The following FER variants were observed in gnomAD, a reference collection of about 807,000 sequenced individuals.
FER encodes the protein tyrosine-protein kinase Fer.
Under a neutral mutation model 111.0 loss-of-function variants are expected in FER, and 63 were observed. That is an observed-to-expected ratio of 0.57 (90% CI 0.46 to 0.70). The LOEUF is 0.70. FER is among the 30% of genes least tolerant of loss of function. The pLI is 0.00. For synonymous variants in FER, 327 were observed against 313.9 expected (o/e 1.04, Z -0.44); for missense variants, 914 against 954.0 (o/e 0.96, Z 0.55).
intron 10 of FER, among the ~76,000 whole-genome samples, chr5:108,940,834 G>A (rs1221730894): frequency 6.6e-6 from 1 of 152,020 alleles, no homozygotes; most frequent in Non-Finnish European, 1.5e-5. Flanking sequence ...GTGGGCGTGG[G>A]GAGGAGTTCA....
At chr5:108,822,493 A>G (rs1465775115) in intron 3 of FER, among the ~76,000 whole-genome samples, 4 of 152,204 alleles carry the variant, frequency 2.6e-5, no homozygotes, top group Non-Finnish European at 5.9e-5. Context: ...GGAAGTGGAC[A>G]TATGCAAAGA....
intron 10 of FER, among the ~76,000 whole-genome samples, chr5:108,904,734 T>C (rs977648688): frequency 4.6e-5 from 7 of 152,180 alleles, no homozygotes; most frequent in Admixed American, 2.6e-4. Context: ...TCAGCTTATA[T>C]AGGTTTAGAT....
chr5:109,148,319 T>G (rs1241227967), intron 17 of FER, among the ~76,000 whole-genome samples: 2 of 152,148 alleles, frequency 1.3e-5, no homozygotes, highest in Non-Finnish European at 2.9e-5. Flanking sequence ...ATAAGTCTCA[T>G]AAATTTGGTT....
intron 9 of FER, among the ~76,000 whole-genome samples, chr5:108,892,435 T>C (rs1748260689): frequency 6.6e-6 from 1 of 152,220 alleles, no homozygotes; most frequent in Non-Finnish European, 1.5e-5. Context: ...AGCATTTTTT[T>C]CATGTGTCTT....
At chr5:108,823,846 T>C (rs1759158645) in intron 3 of FER, among the ~76,000 whole-genome samples, 1 of 152,198 alleles carries the variant, frequency 6.6e-6, no homozygotes, top group African/African-American at 2.4e-5. Context: ...CAAAAAATCA[T>C]TGCCAACAGC....
At chr5:108,799,786 T>G (rs948222367) in intron 3 of FER, among the ~76,000 whole-genome samples, 1 of 152,092 alleles carries the variant, frequency 6.6e-6, no homozygotes, top group Admixed American at 6.6e-5. Context: ...GTAAGCTACC[T>G]GGTGTTTCTG....
intron 2 of FER, among the ~76,000 whole-genome samples, chr5:108,793,522 G>A (rs556378613): frequency 9.5e-5 from 13 of 136,664 alleles, no homozygotes; most frequent in African/African-American, 2.6e-4. Context: ...GGCGGGGCGG[G>A]GGGGGTGGTT....
intron 17 of FER, among the ~76,000 whole-genome samples, chr5:109,160,700 A>G (rs1582318356): frequency 6.6e-6 from 1 of 152,164 alleles, no homozygotes; most frequent in Non-Finnish European, 1.5e-5. Flanking sequence ...CTTGAGAAGC[A>G]CTGCCTGCTC....
chr5:108,938,202 G>A (rs991901657), intron 10 of FER, among the ~76,000 whole-genome samples: 1 of 151,814 alleles, frequency 6.6e-6, no homozygotes, highest in Non-Finnish European at 1.5e-5. Flanking sequence ...CCAAAGTTAA[G>A]TAGAGTGGTA....
At chr5:108,897,535 A>T in intron 9 of FER, 124 bp from the exon 10 acceptor site, 1 of 668,114 alleles carries the variant, frequency 1.5e-6, no homozygotes, top group Non-Finnish European at 2.3e-6. Context: ...TTAGTTTCAT[A>T]TTTTTTATGA....
At chr5:108,959,199 A>T in intron 12 of FER, 26 bp from the exon 13 acceptor site, 1 of 1,595,962 alleles carries the variant, frequency 6.3e-7, no homozygotes, top group South Asian at 1.2e-5. Context: ...CTTCACATTT[A>T]TTCTACCTTA....
intron 6 of FER, among the ~76,000 whole-genome samples, chr5:108,870,091 T>G (rs1288477857): frequency 6.6e-6 from 1 of 152,120 alleles, no homozygotes; most frequent in Non-Finnish European, 1.5e-5. Context: ...TTTTCAATAA[T>G]AGTATCTTCA....
intron 17 of FER, among the ~76,000 whole-genome samples, chr5:109,166,183 TTGTC>T (rs1284766353): frequency 3.3e-5 from 5 of 152,072 alleles, no homozygotes; most frequent in African/African-American, 9.7e-5. Flanking sequence ...GGTTTCCATC[TTGTC>T]TGTCTGTCTG....
At chr5:109,017,945 A>G (rs1469255625) in intron 13 of FER, among the ~76,000 whole-genome samples, 2 of 151,804 alleles carry the variant, frequency 1.3e-5, no homozygotes, top group East Asian at 3.9e-4. Flanking sequence ...ATAGTAACAA[A>G]CCCTTTGTTT....
At position 109,195,178 on chromosome 5, in the gene FER, G is replaced by A. The variant is rs1204659594; in HGVS notation, c.*7603G>A. On this transcript the variant is annotated 3_prime_UTR_variant, in exon 20 of 20. Transcript: ENST00000281092. The stretch of plus-strand genomic sequence containing the variant: ...TGCCAGACAGTTGGAAGCAAATGCC[G>A]AGGGAAAGGTGCCCAGAGCCATGCT... 4 of 152,164 alleles carry A rather than the reference G, an allele frequency of 2.6e-5. No individual in the cohort carries two copies. The highest frequency in any genetic ancestry group is 4.4e-5 in the Non-Finnish European group (3 of 68,032). The allele number at this position is 152,164 out of a possible 1,614,324, so 9.4% of individuals were successfully genotyped here. A position where few individuals can be genotyped will look rare whatever the true frequency, so the allele number is the denominator to read the frequency against.
At chr5:108,991,817 T>C (rs778786346) in intron 13 of FER, among the ~76,000 whole-genome samples, 6 of 152,054 alleles carry the variant, frequency 3.9e-5, no homozygotes, top group Non-Finnish European at 8.8e-5. Context: ...TTCAAAGCTT[T>C]CTCTTCCTTT....
At chr5:108,807,751 T>G (rs1318647783) in intron 3 of FER, among the ~76,000 whole-genome samples, 1 of 152,192 alleles carries the variant, frequency 6.6e-6, no homozygotes, top group Non-Finnish European at 1.5e-5. Context: ...AGGTGGTGTT[T>G]AGTGCTATAT....
At chr5:109,003,179 G>C (rs1765030473) in intron 13 of FER, among the ~76,000 whole-genome samples, 1 of 152,160 alleles carries the variant, frequency 6.6e-6, no homozygotes, top group South Asian at 2.1e-4. Context: ...TATGTTTATT[G>C]AAGCACTATT....
chr5:109,143,878 T>C (rs992374539), intron 17 of FER, among the ~76,000 whole-genome samples: 5 of 150,300 alleles, frequency 3.3e-5, no homozygotes, highest in African/African-American at 1.2e-4. Flanking sequence ...ATATAAAATA[T>C]ATATATATCT....
Sources: allele counts gnomAD v4.1 joint callset (sites outside exome capture counted in the v4.1 genomes callset), GRCh38; gene constraint gnomAD v4.1.1; transcripts MANE v1.5; gene names NCBI Gene and HGNC (gene_info 2026-07-23, HGNC 2026-07-21).